The following LUZP2 variants were observed in gnomAD, a reference collection of about 807,000 sequenced individuals.
LUZP2 encodes leucine zipper protein 2.
In LUZP2, 52 loss-of-function variants were observed where a neutral mutation model predicts 51.6. The ratio of observed to expected loss-of-function variants is 1.01; its 90% CI spans 0.81 to 1.27. The LOEUF (loss-of-function observed/expected upper bound fraction) is 1.27, where lower values mean the gene tolerates loss of function less well. LUZP2 is among the 50% of genes most tolerant of loss of function. The probability of loss-of-function intolerance (pLI) is 0.00; values close to 1 mark genes in which losing one functional copy is unlikely to be tolerated. For missense variants in LUZP2, 436 were observed against 395.4 expected (o/e 1.10, Z -0.87); for synonymous variants, 154 against 137.3 (o/e 1.12, Z -0.85).
chr11:25,070,816 T>TGTGTGTGTG (rs1859136868), intron 10 of LUZP2, among the ~76,000 whole-genome samples: 2 of 142,626 alleles, frequency 1.4e-5, no homozygotes, highest in Admixed American at 1.4e-4. Flanking sequence ...TGTGTGTGTG[T>TGTGTGTGTG]TACTGAAGGC....
intron 1 of LUZP2, among the ~76,000 whole-genome samples, chr11:24,724,207 TAAGA>T (rs1002187400): frequency 3.3e-5 from 5 of 152,190 alleles, no homozygotes; most frequent in African/African-American, 1.2e-4. Flanking sequence ...AACAATGGAC[TAAGA>T]AAGATAGTAT....
chr11:24,889,814 T>G (rs1343131594), intron 5 of LUZP2, among the ~76,000 whole-genome samples: 1 of 152,210 alleles, frequency 6.6e-6, no homozygotes, highest in African/African-American at 2.4e-5. Context: ...AATTACCAAC[T>G]GCCAGAATAA....
intron 9 of LUZP2, among the ~76,000 whole-genome samples, chr11:25,010,888 T>C (rs921413501): frequency 4.0e-5 from 6 of 151,892 alleles, no homozygotes; most frequent in African/African-American, 1.5e-4. Flanking sequence ...CACTGCGAAG[T>C]GGTAGGAAGG....
chr11:24,695,342 TATA>T (rs1452308269), intron 1 of LUZP2, among the ~76,000 whole-genome samples: 1 of 152,092 alleles, frequency 6.6e-6, no homozygotes, highest in Non-Finnish European at 1.5e-5. Context: ...ATAATTGACA[TATA>T]ATAATTATAC....
At chr11:24,845,181 G>A (rs1398475550) in intron 5 of LUZP2, among the ~76,000 whole-genome samples, 1 of 152,226 alleles carries the variant, frequency 6.6e-6, no homozygotes. Context: ...AAGCAGAGGT[G>A]TGGAGCTGCC....
intron 1 of LUZP2, among the ~76,000 whole-genome samples, chr11:24,643,273 A>G (rs1346344899): frequency 1.4e-5 from 2 of 143,274 alleles, no homozygotes; most frequent in African/African-American, 4.9e-5. Context: ...AAAAAAAAAA[A>G]AAAATTAGCT....
chr11:24,691,380 C>T (rs1857059997), intron 1 of LUZP2, among the ~76,000 whole-genome samples: 2 of 151,590 alleles, frequency 1.3e-5, no homozygotes, highest in Admixed American at 1.3e-4. Flanking sequence ...ATAGTATCTA[C>T]TTCTATAAAT....
intron 1 of LUZP2, among the ~76,000 whole-genome samples, chr11:24,716,667 C>T (rs986323859): frequency 3.3e-5 from 5 of 152,092 alleles, no homozygotes; most frequent in African/African-American, 9.7e-5. Flanking sequence ...GAGTCCAAGG[C>T]GGACGGATCA....
intron 1 of LUZP2, among the ~76,000 whole-genome samples, chr11:24,655,700 T>C (rs1017483264): frequency 6.6e-6 from 1 of 152,158 alleles, no homozygotes; most frequent in Non-Finnish European, 1.5e-5. Context: ...GGGAGGAAAT[T>C]GTCAGTGTTT....
chr11:24,876,597 A>C (rs1338532789), intron 5 of LUZP2, among the ~76,000 whole-genome samples: 2 of 149,640 alleles, frequency 1.3e-5, no homozygotes, highest in Non-Finnish European at 3.0e-5. Context: ...TTTTGGTTCC[A>C]TATGAACTTT....
intron 1 of LUZP2, among the ~76,000 whole-genome samples, chr11:24,541,110 G>A (rs2055788): frequency 0.35 from 52,966 of 151,474 alleles, 9,626 homozygotes; most frequent in Middle Eastern, 0.49. Flanking sequence ...AAAATTAGCC[G>A]GGCGTGGTGG....
intron 5 of LUZP2, among the ~76,000 whole-genome samples, chr11:24,889,332 A>C (rs1852774769): frequency 6.6e-6 from 1 of 152,206 alleles, no homozygotes; most frequent in Non-Finnish European, 1.5e-5. Flanking sequence ...ATATACTAGT[A>C]CTAAGACAAG....
At chr11:24,600,199 ACACACACACACACACACACG>A (rs1288854606) in intron 1 of LUZP2, among the ~76,000 whole-genome samples, 1 of 148,462 alleles carries the variant, frequency 6.7e-6, no homozygotes, top group East Asian at 2.0e-4. Flanking sequence ...ACACACACAC[ACACACACACACACACACACG>A]CACAATGGGG....
intron 5 of LUZP2, among the ~76,000 whole-genome samples, chr11:24,847,681 A>G (rs1702047802): frequency 6.6e-6 from 1 of 152,144 alleles, no homozygotes; most frequent in African/African-American, 2.4e-5. Flanking sequence ...CAGTCCACCA[A>G]CCTTAGCATT....
intron 5 of LUZP2, among the ~76,000 whole-genome samples, chr11:24,901,496 T>C (rs1229292009): frequency 6.6e-6 from 1 of 152,078 alleles, no homozygotes. Context: ...AAATTCTTCA[T>C]GACTTTGAAG....
At chr11:25,033,782 G>A (rs1857771314) in intron 9 of LUZP2, among the ~76,000 whole-genome samples, 1 of 152,028 alleles carries the variant, frequency 6.6e-6, no homozygotes, top group Admixed American at 6.6e-5. Context: ...GCAGTGTGGT[G>A]TACATGGTTT....
intron 10 of LUZP2, among the ~76,000 whole-genome samples, chr11:25,058,560 T>G (rs7931277): frequency 0.91 from 138,765 of 152,194 alleles, 63,957 homozygotes; most frequent in Non-Finnish European, 0.98. Context: ...TATTTTGTCT[T>G]TCATCACAGT....
At chr11:24,990,988 A>G (rs1184517827) in intron 9 of LUZP2, among the ~76,000 whole-genome samples, 1 of 151,668 alleles carries the variant, frequency 6.6e-6, no homozygotes, top group Non-Finnish European at 1.5e-5. Context: ...TTATTTCCAT[A>G]GGTTATTGGA....
chr11:24,833,603 C>T (rs1352289552), intron 5 of LUZP2, among the ~76,000 whole-genome samples: 1 of 152,018 alleles, frequency 6.6e-6, no homozygotes, highest in Non-Finnish European at 1.5e-5. Flanking sequence ...AAAAAGTGCT[C>T]ATTTTTGAGC....
Sources: gnomAD v4.1 joint callset for allele counts (sites outside exome capture counted in the v4.1 genomes callset) on GRCh38, gnomAD v4.1.1 for gene constraint, MANE v1.5 for transcripts, NCBI Gene and HGNC (gene_info 2026-07-23, HGNC 2026-07-21) for gene names.